Variants in ZSWIM4 observed in about 807,000 individuals in gnomAD.
ZSWIM4 encodes the protein zinc finger SWIM-type containing 4, also known as zinc finger SWIM domain-containing protein 4.
Under a neutral mutation model 102.5 loss-of-function variants are expected in ZSWIM4, and 62 were observed. The ratio of observed to expected loss-of-function variants is 0.60; its 90% CI spans 0.49 to 0.75. The LOEUF is 0.75. Ranked by LOEUF, ZSWIM4 falls within the 30% of genes least tolerant of loss-of-function variation. ZSWIM4 has a pLI of 0.00. For synonymous variants in ZSWIM4, 652 were observed against 674.5 expected, an observed-to-expected ratio of 0.97 and a Z score of 0.52; for missense variants, 1,280 against 1,529.6, an observed-to-expected ratio of 0.84 and a Z score of 2.72.
intron 5 of ZSWIM4, among the ~76,000 whole-genome samples, chr19:13,811,785 G>A (rs1975100928): frequency 6.6e-6 from 1 of 151,996 alleles, no homozygotes; most frequent in Non-Finnish European, 1.5e-5. Context: ...ATTTAAAACT[G>A]GAAAAATAGG....
At position 13,799,726 on chromosome 19, in the gene ZSWIM4, G is replaced by A. The variant is rs1974704260; in HGVS notation, c.160G>A (p.Glu54Lys). 4 of 1,613,856 alleles carry A rather than the reference G, an allele frequency of 2.5e-6. No homozygotes were observed. Among genetic ancestry groups the A allele is most frequent in the Non-Finnish European group, 3.4e-6 (4 of 1,179,994 alleles). Residue 54 changes from glutamate to lysine, a missense_variant, in exon 2 of 14, where the codon GAG becomes AAG. By Grantham distance (56) the Glu-to-Lys change is moderately conservative. Coordinates refer to ENST00000590508, the MANE Select transcript of ZSWIM4 (RefSeq NM_001367834.3). The part of the protein sequence containing the change: ...AESWAFEQVE[E>K]RFSRVPEPVQ... ...CCACTGGCCCTTCCTACAGGTGGAGGAGCGGTTCTCCCGGGTGCCTGAGCC... is the reference window on the plus strand; with the variant it reads ...CCACTGGCCCTTCCTACAGGTGGAGAAGCGGTTCTCCCGGGTGCCTGAGCC...
At chr19:13,805,971 CAA>C (rs142657315) in intron 3 of ZSWIM4, among the ~76,000 whole-genome samples, 30 of 109,954 alleles carry the variant, frequency 2.7e-4, no homozygotes, top group Non-Finnish European at 2.5e-4. Context: ...ACCCTGACTC[CAA>C]AAAAAAAAAA....
intron 2 of ZSWIM4, 103 bp downstream of exon 2, chr19:13,800,024 T>C: frequency 8.6e-7 from 1 of 1,161,688 alleles, no homozygotes. Flanking sequence ...GATGGGAGGT[T>C]ACAGACCTCA....
In ZSWIM4 at chr19:13,814,632, G is replaced by A; in HGVS notation, c.1298G>A (p.Ser433Asn). 7.9e-7 allele frequency: 1 copy of A among 1,258,178 alleles called. No homozygotes were observed. The highest frequency in any genetic ancestry group is 1.0e-6 in the Non-Finnish European group (1 of 966,928). 77.9% of individuals were successfully genotyped at this position (1,258,178 alleles called of 1,614,324 possible). The change falls in exon 7 of 14, where the codon AGT (serine) becomes AAT (asparagine). Residue 433 changes from serine (S) to asparagine (N), a missense_variant. Transcript: ENST00000590508. ...GCCTACCTGCAGAGGATCCTGGCCA[G>A]TGACTCCTACGGGCCCAGCCTCACA... ...NDAYLQRILA[S>N]DSYGPSLTGS...
chr19:13,814,160 G>A (rs964649110), intron 6 of ZSWIM4, among the ~76,000 whole-genome samples: 10 of 150,512 alleles, frequency 6.6e-5, no homozygotes, highest in Admixed American at 2.0e-4. Context: ...GGGTTCAAGC[G>A]ATTCTCATTC....
At position 13,799,893 on chromosome 19, in the gene ZSWIM4, C is replaced by G. The variant is rs141882486; in HGVS notation, c.327C>G (p.Ser109Arg). ...CCCGCGGGCTGCACCTGCTCCAGAGCGGGGCCGTGGACCGCGTGTTGCAAG... is the reference window on the plus strand; with the variant it reads ...CCCGCGGGCTGCACCTGCTCCAGAGGGGGGCCGTGGACCGCGTGTTGCAAG... Reference protein sequence around the residue: ...PFTRGLHLLQSGAVDRVLQVG... With the variant: ...PFTRGLHLLQRGAVDRVLQVG... The change falls in exon 2 of 14, where the codon AGC becomes AGG. Residue 109 changes from serine (S) to arginine (R), a missense_variant. By Grantham distance (110) the Ser-to-Arg change is moderately radical. Transcript: ENST00000590508. 1 of 1,612,386 alleles carries G rather than the reference C, an allele frequency of 6.2e-7. No homozygotes were observed. Among genetic ancestry groups the G allele is most frequent in the African/African-American group, 1.3e-5 (1 of 74,920 alleles).
intron 5 of ZSWIM4, among the ~76,000 whole-genome samples, chr19:13,811,663 G>A (rs1197812496): frequency 2.0e-5 from 3 of 152,088 alleles, no homozygotes; most frequent in African/African-American, 7.2e-5. Context: ...ATGAGACCCT[G>A]TCTCTAAATT....
At chr19:13,818,818 C>T (rs1268676642) in intron 9 of ZSWIM4, among the ~76,000 whole-genome samples, 6 of 151,132 alleles carry the variant, frequency 4.0e-5, no homozygotes, top group African/African-American at 1.5e-4. Context: ...CCCGCCTCGG[C>T]CTCCCAAAGT....
intron 5 of ZSWIM4, among the ~76,000 whole-genome samples, chr19:13,812,458 C>CTT (rs1169781960): frequency 3.2e-4 from 38 of 117,426 alleles, no homozygotes; most frequent in African/African-American, 1.2e-3. Flanking sequence ...GTAATCCCAA[C>CTT]TTTTTTTTTT....
intron 2 of ZSWIM4, among the ~76,000 whole-genome samples, chr19:13,801,973 AT>A (rs543183681): frequency 1.9e-3 from 182 of 94,196 alleles, no homozygotes; most frequent in East Asian, 2.8e-3. Flanking sequence ...CCAGCTTAGA[AT>A]TTTTTTTTTT....
chr19:13,829,742 G>C (rs1488800531), intron 13 of ZSWIM4, among the ~76,000 whole-genome samples: 4 of 151,622 alleles, frequency 2.6e-5, no homozygotes, highest in African/African-American at 4.8e-5. Context: ...GGAGAATGGC[G>C]TGAACCCAGG....
At chr19:13,815,000 TA>T (rs5827209) in intron 7 of ZSWIM4, 135 bp downstream of exon 7, 85,992 of 332,916 alleles carry the variant, frequency 0.26, 8,997 homozygotes, top group African/African-American at 0.38. Context: ...CTACAAAAAT[TA>T]AAAAAAAAAA....
chr19:13,818,345 A>G (rs901157793), intron 9 of ZSWIM4, among the ~76,000 whole-genome samples: 2 of 152,070 alleles, frequency 1.3e-5, no homozygotes, highest in South Asian at 2.1e-4. Context: ...GCCAGGCCCT[A>G]TTGACCTGTG....
At position 13,808,988 on chromosome 19, in the gene ZSWIM4, C is replaced by T. The variant is rs755141007; in HGVS notation, c.861+4C>T. 1.9e-6 allele frequency: 3 copies of T among 1,610,216 alleles called. No individual in the cohort carries two copies. Among genetic ancestry groups the T allele is most frequent in the South Asian group, 1.1e-5 (1 of 90,810 alleles). On this transcript the variant is annotated splice_donor_region_variant and intron_variant, in intron 4 of 13. Coordinates refer to ENST00000590508, the MANE Select transcript of ZSWIM4 (RefSeq NM_001367834.3). ...GCTGCGCTCCATGTTCAGCAAGGTG[C>T]CGTGCGGGCCGGCGGGGCGCGGGGT...
rs548414082 is a variant in ZSWIM4, at chr19:13,807,334, A to G, written c.713-1502A>G. ...ATGAAGTGAAATGGGGGATATGGCCAGGTAGATAGAGGCTGGCATGACTTG... is the reference window on the plus strand; with the variant it reads ...ATGAAGTGAAATGGGGGATATGGCCGGGTAGATAGAGGCTGGCATGACTTG... On this transcript the variant is annotated intron_variant, in intron 3 of 13. Coordinates refer to ENST00000590508, the MANE Select transcript of ZSWIM4 (RefSeq NM_001367834.3). Among the ~76,000 whole-genome samples, 5 of 147,482 alleles carry G rather than the reference A, an allele frequency of 3.4e-5. No individual in the cohort carries two copies. In the South Asian group the frequency reaches 1.2e-3, roughly 35 times the overall value.
rs540043273 is a variant in ZSWIM4, at chr19:13,809,798, T to G, written c.1012+578T>G. On this transcript the variant is annotated intron_variant, in intron 5 of 13. Coordinates refer to ENST00000590508, the MANE Select transcript of ZSWIM4 (RefSeq NM_001367834.3). The surrounding 1 kb of genome is among the most constrained non-coding windows in gnomAD (Gnocchi z 4.2). The stretch of plus-strand genomic sequence containing the variant: ...CCCAGCCTACATGTTTTGTTTCTTT[T>G]TTTCTTTTTTTAGAGACAGGATCTC... 1.7e-3 allele frequency among the ~76,000 whole-genome samples: 253 copies of G among 152,048 alleles called. 1 individual carries two copies. The highest frequency in any genetic ancestry group is 6.0e-3 in the African/African-American group (247 of 41,426).
At chr19:13,807,964 A>G (rs886467006) in intron 3 of ZSWIM4, among the ~76,000 whole-genome samples, 13 of 152,118 alleles carry the variant, frequency 8.5e-5, no homozygotes, top group Admixed American at 3.3e-4. Context: ...AGGCTTCTGC[A>G]TTTGGGGAGG....
intron 12 of ZSWIM4, among the ~76,000 whole-genome samples, chr19:13,828,032 A>G (rs1975659053): frequency 6.6e-6 from 1 of 152,192 alleles, no homozygotes; most frequent in Admixed American, 6.5e-5. Context: ...CAGCAGTGAT[A>G]TTAAGAGCTG....
intron 12 of ZSWIM4, among the ~76,000 whole-genome samples, chr19:13,826,775 A>G (rs1052264056): frequency 6.6e-6 from 1 of 151,922 alleles, no homozygotes; most frequent in African/African-American, 2.4e-5. Context: ...GGGGAAGAAA[A>G]AAAAAAGTCC....
Sources: gnomAD v4.1 joint callset for allele counts (sites outside exome capture counted in the v4.1 genomes callset) on GRCh38, gnomAD v4.1.1 for gene constraint, Gnocchi (gnomAD v3.1) non-coding constraint, MANE v1.5 for transcripts, NCBI Gene and HGNC (gene_info 2026-07-23, HGNC 2026-07-21) for gene names.